TATDN2: variants seen among roughly 807,000 people sequenced by gnomAD.
TATDN2 encodes the protein 3'-5' RNA nuclease TATDN2.
Under a neutral mutation model 60.3 loss-of-function variants are expected in TATDN2, and 44 were observed. The observed-to-expected ratio is 0.73, with a 90% CI of 0.57 to 0.94. The LOEUF (loss-of-function observed/expected upper bound fraction) is 0.94. TATDN2 is among the 40% of genes least tolerant of loss of function. The pLI, the probability that TATDN2 is intolerant of heterozygous loss-of-function variation, is 0.00. For synonymous variants in TATDN2, 399 were observed against 355.8 expected (o/e 1.12, Z -1.37); for missense variants, 997 against 948.0 (o/e 1.05, Z -0.68).
Position 10,260,403 on chromosome 3 carries a change from TGAAGGACCAGCCAAGACTGCA to T in TATDN2, c.688_708del (p.Pro230_Gly236del), listed in dbSNP as rs755304679. 4.3e-6 allele frequency: 7 copies of T among 1,612,310 alleles called. No homozygotes were observed. Among genetic ancestry groups the T allele is most frequent in the Non-Finnish European group, 5.9e-6 (7 of 1,179,574 alleles). ...GCCATGGAGAAGGACCAGCCAGGAG[TGAAGGACCAGCCAAGACTGCA>T]GAAGGAGCAGCCAGGAGTGTCACAG... On this transcript the variant is annotated inframe_deletion, in exon 3 of 8. Coordinates refer to ENST00000448281, the MANE Select transcript of TATDN2 (RefSeq NM_014760.4).
chr3:10,254,966 T>C (rs777509596), intron 2 of TATDN2, among the ~76,000 whole-genome samples: 2 of 151,702 alleles, frequency 1.3e-5, no homozygotes, highest in Middle Eastern at 3.2e-3. Flanking sequence ...TGTTTCTCAC[T>C]TTCTCTCTTT....
At chr3:10,255,946 A>G (rs1007718505) in intron 2 of TATDN2, among the ~76,000 whole-genome samples, 6 of 152,302 alleles carry the variant, frequency 3.9e-5, no homozygotes, top group African/African-American at 1.4e-4. Flanking sequence ...GTCTCAGAAA[A>G]TAGAATTTAT....
intron 4 of TATDN2, 125 bp from the exon 5 acceptor site, chr3:10,276,236 A>G (rs772747427): frequency 4.1e-6 from 5 of 1,216,624 alleles, no homozygotes; most frequent in East Asian, 2.4e-5. Context: ...ATCATTAGCT[A>G]TTATTACATT....
intron 3 of TATDN2, among the ~76,000 whole-genome samples, chr3:10,262,431 C>A (rs1037931292): frequency 4.0e-5 from 6 of 151,622 alleles, no homozygotes; most frequent in Non-Finnish European, 8.8e-5. Flanking sequence ...CTTTATTTTA[C>A]CTTTAACCTT....
intron 2 of TATDN2, among the ~76,000 whole-genome samples, chr3:10,253,110 G>A (rs1698255872): frequency 6.6e-6 from 1 of 151,652 alleles, no homozygotes; most frequent in African/African-American, 2.4e-5. Context: ...GCCTGCATAG[G>A]CCTCCCAAAG....
chr3:10,252,662 T>G (rs1463440069), intron 2 of TATDN2, among the ~76,000 whole-genome samples: 1 of 151,598 alleles, frequency 6.6e-6, no homozygotes, highest in Non-Finnish European at 1.5e-5. Flanking sequence ...TCTAGAGTCC[T>G]CTCACTGCTC....
At chr3:10,276,696 C>T (rs1360111720) in intron 5 of TATDN2, among the ~76,000 whole-genome samples, 4 of 151,742 alleles carry the variant, frequency 2.6e-5, no homozygotes, top group Admixed American at 1.3e-4. Context: ...TCAAACAATT[C>T]TCCTGCCTCA....
chr3:10,255,437 A>C (rs1230010358), intron 2 of TATDN2, among the ~76,000 whole-genome samples: 1 of 152,168 alleles, frequency 6.6e-6, no homozygotes, highest in Admixed American at 6.6e-5. Context: ...CACTTTCTGT[A>C]AAAGAAGTAT....
chr3:10,271,129 C>T (rs993731405), intron 4 of TATDN2, 114 bp downstream of exon 4: 15 of 1,367,424 alleles, frequency 1.1e-5, no homozygotes, highest in South Asian at 3.1e-5. Flanking sequence ...TCCCTGAAAA[C>T]GCAGTGTGCT....
chr3:10,275,080 G>T (rs1298315600), intron 4 of TATDN2, among the ~76,000 whole-genome samples: 2 of 150,258 alleles, frequency 1.3e-5, no homozygotes, highest in African/African-American at 4.9e-5. Flanking sequence ...TTGCCTCCCA[G>T]GTTCAGGGGA....
Position 10,258,788 on chromosome 3 carries a change from A to G in TATDN2, c.415-1349A>G, listed in dbSNP as rs377245898. Among the ~76,000 whole-genome samples, 19 of 151,694 alleles carry G rather than the reference A, an allele frequency of 1.3e-4. No homozygotes were observed. The East Asian group carries it at 1.6e-3, about 12-fold the overall frequency. ...CCCAGCCGAGCCTAAGTCTCTTTCT[A>G]CTTCCCTGCATTCCCCAAAGAGATC... On this transcript the variant is annotated intron_variant, in intron 2 of 7. Transcript: ENST00000448281.
intron 2 of TATDN2, among the ~76,000 whole-genome samples, chr3:10,250,206 G>A (rs1443967095): frequency 7.2e-6 from 1 of 138,410 alleles, no homozygotes; most frequent in Non-Finnish European, 1.5e-5. Context: ...AGGTTAAATT[G>A]TTAATTCCCT....
intron 3 of TATDN2, among the ~76,000 whole-genome samples, chr3:10,269,739 A>G (rs1698529404): frequency 6.6e-6 from 1 of 152,198 alleles, no homozygotes; most frequent in African/African-American, 2.4e-5. Context: ...GTAATTTTAC[A>G]TTTTGAATAT....
intron 4 of TATDN2, 76 bp from the exon 5 acceptor site, chr3:10,276,285 G>C (rs1698636022): frequency 6.4e-7 from 1 of 1,564,476 alleles, no homozygotes; most frequent in Non-Finnish European, 8.6e-7. Flanking sequence ...GGTGCCTGCT[G>C]GACTGGGCGT....
In TATDN2 at chr3:10,278,228, G is replaced by A. The variant is rs1177038232; in HGVS notation, c.1962-51G>A. ...GTGATGGGTGTGGGGGGAGCTGGGG[G>A]CTGCTGCAGAGGGGACTGTGAGCAG... On this transcript the variant is annotated intron_variant, in intron 5 of 7. Transcript: ENST00000448281. This position sits in a 1 kb window ranked among gnomAD's most constrained non-coding sequence, Gnocchi z 4.7. The A allele has an allele frequency of 2.5e-6, 4 of 1,575,418 alleles. No homozygotes were observed. The highest frequency in any genetic ancestry group is 3.5e-6 in the Non-Finnish European group (4 of 1,154,150).
rs201568396 is a variant in TATDN2, at chr3:10,257,612, C to A, written c.415-2525C>A. Among the ~76,000 whole-genome samples, 953 of 106,728 alleles carry A rather than the reference C, an allele frequency of 8.9e-3. 1 individual carries two copies. Among genetic ancestry groups the A allele is most frequent in the Middle Eastern group, 0.025 (5 of 202 alleles). 70.0% of individuals were successfully genotyped at this position (106,728 alleles called of 152,430 possible). On this transcript the variant is annotated intron_variant, in intron 2 of 7. Transcript: ENST00000448281. ...CCACTGTCTCCAAAAAAAAAAAAAA[C>A]AAAAAAAAAAAACAAAAATGACCCG...
intron 4 of TATDN2, among the ~76,000 whole-genome samples, chr3:10,273,611 G>C (rs1395438114): frequency 6.9e-6 from 1 of 145,424 alleles, no homozygotes; most frequent in East Asian, 2.1e-4. Flanking sequence ...AAAAAAAAAA[G>C]AGCCTGTGGA....
intron 3 of TATDN2, 74 bp downstream of exon 3, chr3:10,260,744 T>G (rs1698390019): frequency 6.6e-7 from 1 of 1,505,042 alleles, no homozygotes; most frequent in South Asian, 1.3e-5. Flanking sequence ...TCTAGTTTGA[T>G]CCTAAGTGTT....
rs1389017193 is a variant in TATDN2 at position 10,280,896 on chromosome 3, T to G, written c.*1714T>G. On this transcript the variant is annotated 3_prime_UTR_variant, in exon 8 of 8. Transcript: ENST00000448281. Reference sequence around the variant, plus strand: ...CCTCTCCAGCAAGCCCTGAAGTCAGTAGTGCCTGCAGGTGAAACCAACCAG... The same window carrying G: ...CCTCTCCAGCAAGCCCTGAAGTCAGGAGTGCCTGCAGGTGAAACCAACCAG... The G allele has an allele frequency of 1.3e-5, 2 of 152,888 alleles. No homozygotes were observed. Among genetic ancestry groups the G allele is most frequent in the African/African-American group, 4.8e-5 (2 of 41,446 alleles). 9.5% of individuals were successfully genotyped at this position (152,888 alleles called of 1,614,324 possible). A position where few individuals can be genotyped will look rare whatever the true frequency, so the allele number is the denominator to read the frequency against.
Sources: gnomAD v4.1 joint callset for allele counts (sites outside exome capture counted in the v4.1 genomes callset) on GRCh38, gnomAD v4.1.1 for gene constraint, Gnocchi (gnomAD v3.1) non-coding constraint, MANE v1.5 for transcripts, NCBI Gene and HGNC (gene_info 2026-07-23, HGNC 2026-07-21) for gene names.